The following GDPD4 variants were observed in gnomAD, a reference collection of about 807,000 sequenced individuals.
GDPD4 encodes glycerophosphodiester phosphodiesterase 6.
Under a neutral mutation model 67.8 loss-of-function variants are expected in GDPD4, and 60 were observed. That is an observed-to-expected ratio of 0.88 (90% CI 0.72 to 1.10). GDPD4 has a LOEUF of 1.10. Ranked by LOEUF, GDPD4 falls within the 50% of genes least tolerant of loss-of-function variation. The pLI is 0.00. For synonymous variants in GDPD4, 212 were observed against 210.9 expected, an observed-to-expected ratio of 1.00 and a Z score of -0.04; for missense variants, 623 against 613.9, an observed-to-expected ratio of 1.01 and a Z score of -0.16.
intron 16 of GDPD4, among the ~76,000 whole-genome samples, chr11:77,225,488 A>AAGAT (rs1349458121): frequency 7.2e-5 from 11 of 152,142 alleles, no homozygotes; most frequent in South Asian, 2.1e-4. Flanking sequence ...AACCCTAATC[A>AAGAT]AGATAGTCTC....
At chr11:77,289,423 G>C (rs1334350936) in intron 1 of GDPD4, among the ~76,000 whole-genome samples, 1 of 150,404 alleles carries the variant, frequency 6.6e-6, no homozygotes, top group Admixed American at 6.6e-5. Context: ...GAGAGAAAGA[G>C]AGAGAGAAGG....
At chr11:77,239,589 T>C (rs1033765033) in intron 13 of GDPD4, among the ~76,000 whole-genome samples, 1 of 152,066 alleles carries the variant, frequency 6.6e-6, no homozygotes, top group Non-Finnish European at 1.5e-5. Context: ...CCATTTACAA[T>C]AGCAACAAAA....
chr11:77,269,187 GTACT>G, intron 8 of GDPD4, 118 bp from the exon 9 acceptor site: 4 of 796,798 alleles, frequency 5.0e-6, no homozygotes, highest in Non-Finnish European at 6.0e-6. Context: ...CATTGACTGT[GTACT>G]GGCTAATTTA....
intron 5 of GDPD4, among the ~76,000 whole-genome samples, chr11:77,272,513 C>T (rs1187531503): frequency 5.9e-5 from 9 of 152,154 alleles, no homozygotes; most frequent in Admixed American, 5.9e-4. Context: ...CAGCGGCTCC[C>T]ATCTATGATC....
At chr11:77,292,583 C>G (rs1334952136) in intron 1 of GDPD4, among the ~76,000 whole-genome samples, 1 of 151,654 alleles carries the variant, frequency 6.6e-6, no homozygotes, top group Non-Finnish European at 1.5e-5. Context: ...ACAAAGTTAA[C>G]AGAAGATTAG....
intron 13 of GDPD4, among the ~76,000 whole-genome samples, chr11:77,235,965 C>CAAAAAAAAAAAAAAAAAAAAA: frequency 8.2e-6 from 1 of 122,454 alleles, no homozygotes; most frequent in Admixed American, 8.1e-5. Context: ...CTATTAAAAA[C>CAAAAAAAAAAAAAAAAAAAAA]AAAAAAAAAA....
intron 11 of GDPD4, among the ~76,000 whole-genome samples, chr11:77,248,791 A>G (rs1053616283): frequency 7.9e-5 from 12 of 150,964 alleles, no homozygotes; most frequent in African/African-American, 2.9e-4. Flanking sequence ...GCACAGTCTC[A>G]GCTCACTACA....
chr11:77,252,330 C>T (rs2729770), intron 11 of GDPD4, among the ~76,000 whole-genome samples: 5 of 152,106 alleles, frequency 3.3e-5, no homozygotes, highest in Non-Finnish European at 4.4e-5. Context: ...TCCCAAAGTG[C>T]TAGGATTACA....
At chr11:77,276,594 T>A (rs1050542100) in intron 4 of GDPD4, among the ~76,000 whole-genome samples, 1 of 152,208 alleles carries the variant, frequency 6.6e-6, no homozygotes, top group African/African-American at 2.4e-5. Flanking sequence ...TTGGACTCAC[T>A]TGTAAGAGAA....
Position 77,264,666 on chromosome 11 carries a change from T to C in GDPD4, c.707+3791A>G, listed in dbSNP as rs145929171. Among the ~76,000 whole-genome samples, 690 of 152,126 alleles carry C rather than the reference T, an allele frequency of 4.5e-3. 9 individuals carry two copies. The highest frequency in any genetic ancestry group is 0.016 in the African/African-American group (646 of 41,510). ...ACTTAGTAAGAGCTCTGAGAAGTGGTGTAGAAGAAGCCTGATTGGGATAGG... is the reference window on the plus strand; with the variant it reads ...ACTTAGTAAGAGCTCTGAGAAGTGGCGTAGAAGAAGCCTGATTGGGATAGG... On this transcript the variant is annotated intron_variant, in intron 10 of 16. Transcript: ENST00000315938.
intron 13 of GDPD4, among the ~76,000 whole-genome samples, chr11:77,237,640 T>C (rs1178969111): frequency 6.6e-6 from 1 of 152,174 alleles, no homozygotes; most frequent in African/African-American, 2.4e-5. Flanking sequence ...AAATTAGAAA[T>C]CAATAACTGA....
rs542192947 is a variant in GDPD4 at position 77,225,802 on chromosome 11, T to A, written c.1525+2062A>T. Among the ~76,000 whole-genome samples the A allele has an allele frequency of 2.6e-5, 4 of 152,292 alleles. No homozygotes were observed. The South Asian group carries it at 8.3e-4, about 32-fold the overall frequency. ...CCTGGAGGTGGCATGGGGCAACACA[T>A]GGCACTCCGTATTTAGCAAATGAGG... is the stretch of plus-strand genomic sequence containing the variant. On this transcript the variant is annotated intron_variant, in intron 16 of 16. Coordinates refer to ENST00000315938, the MANE Select transcript of GDPD4 (RefSeq NM_182833.3).
chr11:77,272,474 T>G (rs1209484200), intron 5 of GDPD4, among the ~76,000 whole-genome samples: 3 of 152,070 alleles, frequency 2.0e-5, no homozygotes, highest in Non-Finnish European at 2.9e-5. Context: ...AGAGAACAGA[T>G]AAAAGATTTT....
In GDPD4 at chr11:77,295,840, G is replaced by T. The variant is rs112070781; in HGVS notation, c.-254+5765C>A. Among the ~76,000 whole-genome samples, 354 of 152,234 alleles carry T rather than the reference G, an allele frequency of 2.3e-3. 1 individual carries two copies. The highest frequency in any genetic ancestry group is 7.8e-3 in the African/African-American group (323 of 41,546). ...GAAGTAAAAAGGCAGGCCACAGATT[G>T]GGAGAAAAACTGTCCTATATTTTGA... On this transcript the variant is annotated intron_variant, in intron 1 of 16. Transcript: ENST00000315938.
intron 3 of GDPD4, among the ~76,000 whole-genome samples, chr11:77,279,928 CAAAG>C (rs1340367025): frequency 6.6e-6 from 1 of 152,046 alleles, no homozygotes; most frequent in African/African-American, 2.4e-5. Flanking sequence ...AGGTATTACA[CAAAG>C]AAATTTGAAT....
intron 1 of GDPD4, among the ~76,000 whole-genome samples, chr11:77,295,500 C>T (rs936593802): frequency 6.6e-5 from 10 of 151,796 alleles, no homozygotes; most frequent in Admixed American, 1.3e-4. Context: ...GATGTGGTGG[C>T]GCACACCTGT....
intron 1 of GDPD4, among the ~76,000 whole-genome samples, chr11:77,301,316 G>T (rs550094913): frequency 6.6e-6 from 1 of 152,122 alleles, no homozygotes; most frequent in African/African-American, 2.4e-5. Context: ...CCCAGCTCAT[G>T]AGATCAAAAC....
chr11:77,222,611 G>A (rs912710263), intron 16 of GDPD4, among the ~76,000 whole-genome samples: 1 of 152,204 alleles, frequency 6.6e-6, no homozygotes, highest in South Asian at 2.1e-4. Flanking sequence ...CTGTTAGTCT[G>A]ATGGGCTTCC....
chr11:77,267,617 G>A (rs1232669863), intron 10 of GDPD4, among the ~76,000 whole-genome samples: 7 of 152,160 alleles, frequency 4.6e-5, no homozygotes, highest in Non-Finnish European at 8.8e-5. Context: ...ATCTACACAT[G>A]TATTTCGTCC....
Sources: gnomAD v4.1 joint callset for allele counts (sites outside exome capture counted in the v4.1 genomes callset) on GRCh38, gnomAD v4.1.1 for gene constraint, MANE v1.5 for transcripts, NCBI Gene and HGNC (gene_info 2026-07-23, HGNC 2026-07-21) for gene names.